The following DPF3 variants were observed in gnomAD, a reference collection of about 807,000 sequenced individuals.
The protein encoded by DPF3 is zinc finger protein DPF3.
A neutral mutation model predicts 56.8 loss-of-function variants in DPF3; 18 were observed. That is an observed-to-expected ratio of 0.32 (90% CI 0.22 to 0.47). DPF3 has a LOEUF of 0.47. DPF3 is among the 20% of genes least tolerant of loss of function. DPF3 has a pLI of 1.00. For missense variants in DPF3, 403 were observed against 488.8 expected (o/e 0.82, Z 1.65); for synonymous variants, 188 against 180.2 (o/e 1.04, Z -0.35).
At chr14:72,707,194 C>T (rs1049208677) in intron 6 of DPF3, among the ~76,000 whole-genome samples, 1 of 152,030 alleles carries the variant, frequency 6.6e-6, no homozygotes, top group African/African-American at 2.4e-5. Context: ...CCATGGTGTA[C>T]ATGTGCCACA....
intron 1 of DPF3, chr14:72,773,932 C>T: frequency 2.2e-6 from 1 of 455,492 alleles, no homozygotes; most frequent in Non-Finnish European, 4.4e-6. Flanking sequence ...GTTGCTTCCA[C>T]ATTTTAGCTA....
At chr14:72,680,047 G>T (rs1432088851) in intron 7 of DPF3, among the ~76,000 whole-genome samples, 1 of 152,082 alleles carries the variant, frequency 6.6e-6, no homozygotes, top group South Asian at 2.1e-4. Context: ...GGGCTGGGGA[G>T]ACAAGGCGCC....
intron 9 of DPF3, among the ~76,000 whole-genome samples, chr14:72,625,887 A>G (rs187701378): frequency 2.6e-5 from 4 of 152,306 alleles, no homozygotes; most frequent in African/African-American, 9.6e-5. Context: ...GTCACAATAC[A>G]CAGTCATTAG....
chr14:72,882,186 A>C (rs1309753674), intron 1 of DPF3, among the ~76,000 whole-genome samples: 8 of 152,244 alleles, frequency 5.3e-5, no homozygotes, highest in African/African-American at 1.9e-4. Flanking sequence ...GAAGAGGAAG[A>C]AAAGACAGAA....
At chr14:72,709,481 G>A (rs535593286) in intron 6 of DPF3, among the ~76,000 whole-genome samples, 9 of 152,242 alleles carry the variant, frequency 5.9e-5, no homozygotes, top group African/African-American at 2.2e-4. Flanking sequence ...ACTCCAGCCT[G>A]CCCGCCTGAT....
intron 1 of DPF3, among the ~76,000 whole-genome samples, chr14:72,824,860 C>T (rs1883723559): frequency 6.6e-6 from 1 of 151,896 alleles, no homozygotes; most frequent in African/African-American, 2.4e-5. Flanking sequence ...GCGTGAGCTA[C>T]CACGACCAGC....
chr14:72,751,097 G>A (rs189091471), intron 3 of DPF3, among the ~76,000 whole-genome samples: 20 of 152,242 alleles, frequency 1.3e-4, no homozygotes, highest in African/African-American at 4.6e-4. Context: ...AGGCCAAGGT[G>A]GAAGGAGTGC....
chr14:72,747,259 T>C (rs1182466115), intron 3 of DPF3, among the ~76,000 whole-genome samples: 1 of 152,220 alleles, frequency 6.6e-6, no homozygotes, highest in Non-Finnish European at 1.5e-5. Flanking sequence ...AACTACAGCA[T>C]GCTCTTCGGA....
intron 8 of DPF3, among the ~76,000 whole-genome samples, chr14:72,653,128 G>A (rs1472179042): frequency 6.6e-6 from 1 of 152,200 alleles, no homozygotes; most frequent in Non-Finnish European, 1.5e-5. Flanking sequence ...ACATCAGAAG[G>A]AAGACCCGGA....
At chr14:72,631,632 G>C (rs1477114998) in intron 8 of DPF3, among the ~76,000 whole-genome samples, 1 of 152,156 alleles carries the variant, frequency 6.6e-6, no homozygotes, top group African/African-American at 2.4e-5. Context: ...GCCAGCTTAG[G>C]ATAACTATTC....
intron 9 of DPF3, 56 bp downstream of exon 9, chr14:72,629,568 C>T (rs1036377363): frequency 6.7e-7 from 1 of 1,482,250 alleles, no homozygotes. Context: ...CTTCACCCCT[C>T]AAAGGACCCC....
intron 3 of DPF3, among the ~76,000 whole-genome samples, chr14:72,752,414 G>T (rs1212540213): frequency 6.6e-6 from 1 of 152,208 alleles, no homozygotes; most frequent in East Asian, 1.9e-4. Flanking sequence ...TATAATCCCA[G>T]CACTTTGGGA....
intron 1 of DPF3, among the ~76,000 whole-genome samples, chr14:72,878,742 G>A (rs1374301957): frequency 2.6e-5 from 4 of 152,250 alleles, no homozygotes; most frequent in Non-Finnish European, 2.9e-5. Context: ...AAAAAGGTTT[G>A]TCTTTATTTC....
intron 8 of DPF3, chr14:72,662,735 G>A (rs1260142110): frequency 1.0e-5 from 10 of 986,198 alleles, no homozygotes; most frequent in East Asian, 1.1e-4. Context: ...AGGAAGAAGA[G>A]GAGGAGGAGG....
chr14:72,637,994 T>C (rs1885434526), intron 8 of DPF3, among the ~76,000 whole-genome samples: 1 of 151,956 alleles, frequency 6.6e-6, no homozygotes, highest in Non-Finnish European at 1.5e-5. Context: ...CGCCATGCAA[T>C]AAGTTAGGCC....
intron 1 of DPF3, chr14:72,892,090 C>T: frequency 6.7e-7 from 1 of 1,492,710 alleles, no homozygotes; most frequent in Non-Finnish European, 8.9e-7. Context: ...TGCGCCCGCC[C>T]GCGCGAAAGC....
chr14:72,861,786 A>G lies in DPF3; in HGVS notation c.32+32271T>C, dbSNP rs191525807. 5.7e-4 allele frequency among the ~76,000 whole-genome samples: 86 copies of G among 151,092 alleles called. 1 individual carries two copies. In the East Asian group the frequency reaches 0.014, roughly 25 times the overall value. ...AAGAAAGAAAGAAAGAAAGAAAGAAAGAAAGAAAGAAAGAAAGAAGGAAAG... is the reference window on the plus strand; with the variant it reads ...AAGAAAGAAAGAAAGAAAGAAAGAAGGAAAGAAAGAAAGAAAGAAGGAAAG... On this transcript the variant is annotated intron_variant, in intron 1 of 10. Coordinates refer to ENST00000556509, the MANE Select transcript of DPF3 (RefSeq NM_001280542.3).
intron 3 of DPF3, chr14:72,742,355 G>T (rs976448157): frequency 7.2e-5 from 11 of 152,248 alleles, no homozygotes; most frequent in African/African-American, 2.7e-4. Context: ...GATGGGGGTG[G>T]GAGCCGGAGC....
At chr14:72,737,242 C>T (rs1179249212) in intron 3 of DPF3, among the ~76,000 whole-genome samples, 1 of 151,638 alleles carries the variant, frequency 6.6e-6, no homozygotes, top group Non-Finnish European at 1.5e-5. Flanking sequence ...CAGAAATTTC[C>T]AGCAAAGAGC....
Sources: allele counts gnomAD v4.1 joint callset (sites outside exome capture counted in the v4.1 genomes callset), GRCh38; gene constraint gnomAD v4.1.1; transcripts MANE v1.5; gene names NCBI Gene and HGNC (gene_info 2026-07-23, HGNC 2026-07-21).